The following GLDN variants were observed in gnomAD, a reference collection of about 807,000 sequenced individuals.
The protein encoded by GLDN is collomin.
Under a neutral mutation model 56.5 loss-of-function variants are expected in GLDN, and 47 were observed. The observed-to-expected ratio is 0.83, with a 90% CI of 0.66 to 1.06. The LOEUF (loss-of-function observed/expected upper bound fraction) is 1.06, where lower values mean the gene tolerates loss of function less well. Among genes scored for constraint, GLDN ranks in the 50% least tolerant of loss-of-function variants. The probability of loss-of-function intolerance (pLI) is 0.00; values close to 1 mark genes in which losing one functional copy is unlikely to be tolerated. For missense variants in GLDN, 782 were observed against 714.3 expected, an observed-to-expected ratio of 1.09 and a Z score of -1.08; for synonymous variants, 332 against 278.8, an observed-to-expected ratio of 1.19 and a Z score of -1.90.
chr15:51,397,611 C>A lies in GLDN; in HGVS notation c.817+13C>A, dbSNP rs2038163521. 2.6e-6 allele frequency: 4 copies of A among 1,567,572 alleles called. No individual in the cohort carries two copies. In the Admixed American group the frequency reaches 7.1e-5, roughly 28 times the overall value. ...GGCCAGTGCCCAGGTCACCACCTCT[C>A]CCCTACGGGGCCCACCTCTTCTGTC... is the stretch of plus-strand genomic sequence containing the variant. On this transcript the variant is annotated intron_variant, in intron 6 of 9. Transcript: ENST00000335449.
At chr15:51,371,162 A>G (rs974066780) in intron 1 of GLDN, among the ~76,000 whole-genome samples, 15 of 152,214 alleles carry the variant, frequency 9.9e-5, no homozygotes, top group Non-Finnish European at 2.1e-4. Context: ...GTGTTGCATT[A>G]TGTGGCTTGG....
chr15:51,391,238 C>G (rs367810524), intron 4 of GLDN, among the ~76,000 whole-genome samples: 4 of 152,140 alleles, frequency 2.6e-5, no homozygotes, highest in Non-Finnish European at 5.9e-5. Context: ...GTGGGGGGCG[C>G]ATTACAACAG....
At chr15:51,356,077 C>T (rs529456711) in intron 1 of GLDN, among the ~76,000 whole-genome samples, 2 of 151,500 alleles carry the variant, frequency 1.3e-5, no homozygotes, top group Admixed American at 6.6e-5. Context: ...CGTGGTGGTG[C>T]GTGCCCGTGG....
chr15:51,381,107 C>A (rs2037748575), intron 2 of GLDN, among the ~76,000 whole-genome samples: 1 of 152,224 alleles, frequency 6.6e-6, no homozygotes, highest in Non-Finnish European at 1.5e-5. Context: ...ATCAGTGGAA[C>A]TCTTGCAGGA....
intron 4 of GLDN, among the ~76,000 whole-genome samples, chr15:51,388,261 C>T (rs2037942435): frequency 6.6e-6 from 1 of 152,162 alleles, no homozygotes; most frequent in African/African-American, 2.4e-5. Flanking sequence ...GTTGTACTGA[C>T]AGTCTGACTC....
At chr15:51,370,905 T>C (rs2037502983) in intron 1 of GLDN, among the ~76,000 whole-genome samples, 1 of 152,102 alleles carries the variant, frequency 6.6e-6, no homozygotes, top group South Asian at 2.1e-4. Context: ...GGCAGGAGAA[T>C]TGCTTGAATC....
intron 4 of GLDN, among the ~76,000 whole-genome samples, chr15:51,386,519 C>T (rs2037897056): frequency 6.6e-6 from 1 of 152,316 alleles, no homozygotes; most frequent in Admixed American, 6.5e-5. Context: ...CTGAGGGCAA[C>T]AGGGTTCCTT....
At chr15:51,401,849 C>T in intron 9 of GLDN, 106 bp downstream of exon 9, 1 of 1,015,800 alleles carries the variant, frequency 9.8e-7, no homozygotes, top group Non-Finnish European at 1.4e-6. Context: ...ATCTTTGTGT[C>T]CCTAGGGCTG....
rs756948200 is a variant in GLDN, at chr15:51,401,701, ACTCT to A, written c.1141_1144del (p.Leu381ThrfsTer10). The A allele has an allele frequency of 2.5e-6, 4 of 1,613,814 alleles. No individual in the cohort carries two copies. In the Admixed American group the frequency reaches 6.7e-5, roughly 27 times the overall value. On this transcript the variant is annotated frameshift_variant, in exon 9 of 10. Coordinates refer to ENST00000335449, the MANE Select transcript of GLDN (RefSeq NM_181789.4). LOFTEE classifies it high-confidence loss of function. The stretch of plus-strand genomic sequence containing the variant: ...GGCTGTGGGCACGTTGTTTACAACA[ACTCT>A]CTCTACTACCACAAAGGGGGTTCTA...
chr15:51,394,858 C>A lies in GLDN; in HGVS notation c.565C>A (p.Pro189Thr), dbSNP rs777833033. 2 of 1,613,604 alleles carry A rather than the reference C, an allele frequency of 1.2e-6. No homozygotes were observed. Among genetic ancestry groups the A allele is most frequent in the South Asian group, 2.2e-5 (2 of 90,972 alleles). ...KMGIPGAAGN[P>T]GERGEKGDHG... ...AGGGATACCTGGAGCTGCAGGAAAT[C>A]CAGGGGAAAGGGGAGAAAAGGGAGA... The change falls in exon 5 of 10, where the codon CCA (proline) becomes ACA (threonine). Residue 189 changes from proline (P) to threonine (T), a missense_variant. Pro to Thr is a conservative substitution (Grantham distance 38). Transcript: ENST00000335449.
Position 51,405,841 on chromosome 15 carries a change from A to T in GLDN, c.*1087A>T, listed in dbSNP as rs1293320732. 2 of 152,240 alleles carry T rather than the reference A, an allele frequency of 1.3e-5. No homozygotes were observed. Among genetic ancestry groups the T allele is most frequent in the African/African-American group, 4.8e-5 (2 of 41,448 alleles). The allele number at this position is 152,240 out of a possible 1,614,324, so 9.4% of individuals were successfully genotyped here. A position where few individuals can be genotyped will look rare whatever the true frequency, so the allele number is the denominator to read the frequency against. Reference sequence around the variant, plus strand: ...TTTTAAATAAGGTTTTACTGAGCACAGCCACACTCATTTGTTTATGCAGTA... The same window carrying T: ...TTTTAAATAAGGTTTTACTGAGCACTGCCACACTCATTTGTTTATGCAGTA... On this transcript the variant is annotated 3_prime_UTR_variant, in exon 10 of 10. Coordinates refer to ENST00000335449, the MANE Select transcript of GLDN (RefSeq NM_181789.4).
At chr15:51,352,684 G>A (rs1183661827) in intron 1 of GLDN, among the ~76,000 whole-genome samples, 1 of 152,144 alleles carries the variant, frequency 6.6e-6, no homozygotes, top group Non-Finnish European at 1.5e-5. Flanking sequence ...AGAGATTCAG[G>A]ATTTCACAGC....
rs1375385922 is a variant in GLDN, at chr15:51,341,711, T to G, written c.27T>G (p.Arg9=). 2.1e-6 allele frequency: 3 copies of G among 1,430,356 alleles called. No individual in the cohort carries two copies. The highest frequency in any genetic ancestry group is 2.7e-6 in the Non-Finnish European group (3 of 1,106,914). 88.6% of individuals were successfully genotyped at this position (1,430,356 alleles called of 1,614,324 possible). A position where few individuals can be genotyped will look rare whatever the true frequency, so the allele number is the denominator to read the frequency against. ...TGGCCCGAGGCGCTGAGGGAGGCCG[T>G]GGGGACGCGGGTTGGGGCCTGCGTG... MARGAEGG[R]GDAGWGLRGA... The change falls in exon 1 of 10, where the codon CGT becomes CGG. Residue 9 remains arginine, a synonymous_variant. Coordinates refer to ENST00000335449, the MANE Select transcript of GLDN (RefSeq NM_181789.4).
Position 51,341,975 on chromosome 15 carries a change from C to A in GLDN, c.291C>A (p.Ser97Arg), listed in dbSNP as rs1300883055. ...CAGCTCGCAACAAGCGCAGCCACAG[C>A]GGCGAGCCCGCGCCGCATATCCGCG... ...ASSARNKRSHSGEPAPHIRAE... is the reference protein window; with the variant it reads ...ASSARNKRSHRGEPAPHIRAE... The change falls in exon 1 of 10, where the codon AGC becomes AGA. Residue 97 changes from serine to arginine, a missense_variant. Ser to Arg is a moderately radical substitution (Grantham distance 110). Transcript: ENST00000335449. 3 of 1,597,620 alleles carry A rather than the reference C, an allele frequency of 1.9e-6. No homozygotes were observed. Among genetic ancestry groups the A allele is most frequent in the Middle Eastern group, 1.7e-4 (1 of 6,050 alleles).
intron 6 of GLDN, 34 bp from the exon 7 acceptor site, chr15:51,400,158 G>A (rs567503145): frequency 3.6e-5 from 57 of 1,586,342 alleles, no homozygotes; most frequent in East Asian, 4.5e-5. Context: ...TGTGCCAACC[G>A]TATCGGCTCT....
chr15:51,356,801 C>T (rs2037195796), intron 1 of GLDN, among the ~76,000 whole-genome samples: 1 of 152,162 alleles, frequency 6.6e-6, no homozygotes, highest in African/African-American at 2.4e-5. Flanking sequence ...AATACAGTGC[C>T]TAGAACTCAA....
At chr15:51,345,056 G>C (rs1222139695) in intron 1 of GLDN, among the ~76,000 whole-genome samples, 1 of 152,140 alleles carries the variant, frequency 6.6e-6, no homozygotes, top group East Asian at 1.9e-4. Flanking sequence ...GGTGAGCGGG[G>C]AGAGAGAAAA....
chr15:51,342,061 C>A lies in GLDN; in HGVS notation c.363+14C>A. On this transcript the variant is annotated intron_variant, in intron 1 of 9. Coordinates refer to ENST00000335449, the MANE Select transcript of GLDN (RefSeq NM_181789.4). ...TCCATGGTGCCGGTAGGCGGGGTCT[C>A]TGTTCCCCGTGGCGCCCCGGCCAGG... The A allele has an allele frequency of 6.3e-7, 1 of 1,589,650 alleles. No individual in the cohort carries two copies. The highest frequency in any genetic ancestry group is 8.5e-7 in the Non-Finnish European group (1 of 1,176,360).
At chr15:51,348,563 G>A (rs1346536502) in intron 1 of GLDN, among the ~76,000 whole-genome samples, 1 of 151,784 alleles carries the variant, frequency 6.6e-6, no homozygotes, top group Non-Finnish European at 1.5e-5. Context: ...TGAACTGCTG[G>A]GCTCTAGAAA....
Sources: allele counts gnomAD v4.1 joint callset (sites outside exome capture counted in the v4.1 genomes callset), GRCh38; gene constraint gnomAD v4.1.1; transcripts MANE v1.5; gene names NCBI Gene and HGNC (gene_info 2026-07-23, HGNC 2026-07-21).